SOX5: variants seen among roughly 807,000 people sequenced by gnomAD.
SOX5 encodes transcription factor SOX-5.
Under a neutral mutation model 92.0 loss-of-function variants are expected in SOX5, and 9 were observed. The ratio of observed to expected loss-of-function variants is 0.10; its 90% CI spans 0.06 to 0.17. The LOEUF (loss-of-function observed/expected upper bound fraction) is 0.17, where lower values mean the gene tolerates loss of function less well. Among genes scored for constraint, SOX5 ranks in the 10% least tolerant of loss-of-function variants. The pLI is 1.00. For synonymous variants in SOX5, 344 were observed against 336.3 expected (o/e 1.02, Z -0.25); for missense variants, 642 against 944.5 (o/e 0.68, Z 4.20).
chr12:23,903,179 C>A (rs1262559642), intron 1 of SOX5, among the ~76,000 whole-genome samples: 3 of 152,022 alleles, frequency 2.0e-5, no homozygotes, highest in African/African-American at 7.3e-5. Context: ...AAGGTGCATG[C>A]CTTTTTAAAA....
intron 1 of SOX5, among the ~76,000 whole-genome samples, chr12:24,541,196 A>C (rs1235016468): frequency 6.6e-6 from 1 of 152,192 alleles, no homozygotes; most frequent in African/African-American, 2.4e-5. Context: ...ATCATGCTGC[A>C]CCAGAACACT....
chr12:24,121,012 A>C (rs1360779222), intron 4 of SOX5, among the ~76,000 whole-genome samples: 1 of 152,196 alleles, frequency 6.6e-6, no homozygotes, highest in Non-Finnish European at 1.5e-5. Flanking sequence ...GGGGTCTGGC[A>C]CCAGAGAAAA....
At chr12:24,469,436 C>T (rs898040132) in intron 1 of SOX5, among the ~76,000 whole-genome samples, 1 of 152,176 alleles carries the variant, frequency 6.6e-6, no homozygotes, top group African/African-American at 2.4e-5. Context: ...CTCCATTTGG[C>T]TGCTCCTTTT....
At chr12:23,743,018 G>T (rs764389577) in intron 4 of SOX5, among the ~76,000 whole-genome samples, 5 of 151,742 alleles carry the variant, frequency 3.3e-5, no homozygotes, top group Non-Finnish European at 5.9e-5. Flanking sequence ...TGTTTTAAAT[G>T]AAATTCTAGA....
intron 10 of SOX5, 117 bp from the exon 11 acceptor site, chr12:23,563,520 C>G (rs2136358334): frequency 1.3e-6 from 1 of 772,126 alleles, no homozygotes; most frequent in Non-Finnish European, 2.1e-6. Flanking sequence ...AATGATTTCT[C>G]CATGGAATTT....
At chr12:23,628,243 G>C (rs1381137007) in intron 8 of SOX5, among the ~76,000 whole-genome samples, 2 of 151,998 alleles carry the variant, frequency 1.3e-5, no homozygotes, top group Non-Finnish European at 2.9e-5. Context: ...AAAACCAGGT[G>C]TGGGGGTGGG....
chr12:24,271,476 C>T (rs1202927917), intron 3 of SOX5, among the ~76,000 whole-genome samples: 2 of 152,032 alleles, frequency 1.3e-5, no homozygotes, highest in Admixed American at 6.6e-5. Flanking sequence ...TCCTGTTTTT[C>T]ACTCTTTTTA....
At chr12:24,209,819 C>T (rs1238924089) in intron 4 of SOX5, among the ~76,000 whole-genome samples, 1 of 151,278 alleles carries the variant, frequency 6.6e-6, no homozygotes, top group Non-Finnish European at 1.5e-5. Flanking sequence ...GAGATCGAGA[C>T]CATCCTGGCT....
intron 4 of SOX5, among the ~76,000 whole-genome samples, chr12:24,187,918 G>T (rs572767463): frequency 9.2e-5 from 14 of 152,246 alleles, no homozygotes; most frequent in African/African-American, 3.1e-4. Flanking sequence ...ACTTAGCAAC[G>T]GAGTTTTAAT....
intron 6 of SOX5, among the ~76,000 whole-genome samples, chr12:23,722,379 C>A (rs1462080712): frequency 6.6e-6 from 1 of 152,144 alleles, no homozygotes; most frequent in Non-Finnish European, 1.5e-5. Context: ...AATTGAGATT[C>A]TCCCTCAGGG....
chr12:24,341,558 T>G (rs1373014786), intron 2 of SOX5, among the ~76,000 whole-genome samples: 1 of 152,230 alleles, frequency 6.6e-6, no homozygotes. Flanking sequence ...TATTTAGAGA[T>G]ATGCCTGTAA....
intron 4 of SOX5, among the ~76,000 whole-genome samples, chr12:23,986,917 T>G (rs1950114200): frequency 6.6e-6 from 1 of 152,220 alleles, no homozygotes. Flanking sequence ...ATTGCTCCTC[T>G]TTTTGTGCTA....
chr12:23,699,843 G>A (rs1193634401), intron 6 of SOX5, among the ~76,000 whole-genome samples: 2 of 152,074 alleles, frequency 1.3e-5, no homozygotes, highest in Non-Finnish European at 2.9e-5. Flanking sequence ...TTAAAATAAG[G>A]GGAAGCAGTG....
intron 6 of SOX5, among the ~76,000 whole-genome samples, chr12:23,725,116 T>C (rs2093044462): frequency 2.6e-5 from 4 of 152,198 alleles, no homozygotes; most frequent in African/African-American, 9.7e-5. Flanking sequence ...AATGGTATCA[T>C]ATTCAGAGGA....
chr12:23,692,998 T>C (rs1028240256), intron 6 of SOX5, among the ~76,000 whole-genome samples: 2 of 152,184 alleles, frequency 1.3e-5, no homozygotes, highest in South Asian at 2.1e-4. Flanking sequence ...TTTGTTTAGA[T>C]TGGTATTTGA....
At chr12:24,377,415 C>T (rs1463467966) in intron 1 of SOX5, among the ~76,000 whole-genome samples, 1 of 152,176 alleles carries the variant, frequency 6.6e-6, no homozygotes, top group African/African-American at 2.4e-5. Flanking sequence ...TCTAGAATCA[C>T]TGTACATTAC....
At position 24,156,164 on chromosome 12, in the gene SOX5, G is replaced by A. The variant is rs575537348; in HGVS notation, c.-2+57179C>T. On this transcript the variant is annotated intron_variant, in intron 4 of 4. Transcript: ENST00000446891. The stretch of plus-strand genomic sequence containing the variant: ...GAGTCGGTGTTTCATCCCGTTACCT[G>A]TAGGCTTATAGCCAAAGACTGCCTA... Among the ~76,000 whole-genome samples, 20 of 152,228 alleles carry A rather than the reference G, an allele frequency of 1.3e-4. No homozygotes were observed. In the East Asian group the frequency reaches 3.3e-3, roughly 25 times the overall value.
At chr12:24,243,779 C>A (rs1406541710) in intron 3 of SOX5, among the ~76,000 whole-genome samples, 1 of 151,976 alleles carries the variant, frequency 6.6e-6, no homozygotes, top group East Asian at 1.9e-4. Flanking sequence ...AGTCCCTTAG[C>A]CCAATCCCAG....
chr12:24,441,538 A>G (rs1459147428), intron 1 of SOX5, among the ~76,000 whole-genome samples: 2 of 151,290 alleles, frequency 1.3e-5, no homozygotes, highest in African/African-American at 4.9e-5. Flanking sequence ...TTTACAACCA[A>G]AGTGTTGATT....
Sources: allele counts gnomAD v4.1 joint callset (sites outside exome capture counted in the v4.1 genomes callset), GRCh38; gene constraint gnomAD v4.1.1; transcripts MANE v1.5; gene names NCBI Gene and HGNC (gene_info 2026-07-23, HGNC 2026-07-21).